Variants in PTPN12 observed in about 807,000 individuals in gnomAD.
PTPN12 encodes tyrosine-protein phosphatase non-receptor type 12.
In PTPN12, 29 loss-of-function variants were observed where a neutral mutation model predicts 97.6. The ratio of observed to expected loss-of-function variants is 0.30; its 90% CI spans 0.22 to 0.41. PTPN12 has a LOEUF of 0.41. Among genes scored for constraint, PTPN12 ranks in the 10% least tolerant of loss-of-function variants. The pLI, the probability that PTPN12 is intolerant of heterozygous loss-of-function variation, is 1.00. For synonymous variants in PTPN12, 327 were observed against 300.4 expected, an observed-to-expected ratio of 1.09 and a Z score of -0.91; for missense variants, 819 against 926.0, an observed-to-expected ratio of 0.88 and a Z score of 1.50.
chr7:77,620,692 G>C (rs143450727), intron 12 of PTPN12, among the ~76,000 whole-genome samples: 12 of 152,368 alleles, frequency 7.9e-5, no homozygotes, highest in African/African-American at 2.6e-4. Flanking sequence ...GCTCACGCCT[G>C]TAATCCCAGC....
intron 11 of PTPN12, among the ~76,000 whole-genome samples, chr7:77,616,477 A>C (rs1419235912): frequency 2.0e-5 from 3 of 152,330 alleles, no homozygotes; most frequent in African/African-American, 7.2e-5. Flanking sequence ...CTAGATGTCC[A>C]CATTGCCTTA....
chr7:77,568,175 A>C (rs893409892), intron 1 of PTPN12, among the ~76,000 whole-genome samples: 13 of 152,262 alleles, frequency 8.5e-5, no homozygotes, highest in Non-Finnish European at 1.9e-4. Context: ...AAGAAATGGC[A>C]TGCTAGGCTT....
chr7:77,557,346 GA>G (rs2151305285), intron 1 of PTPN12, among the ~76,000 whole-genome samples: 1 of 152,236 alleles, frequency 6.6e-6, no homozygotes, highest in South Asian at 2.1e-4. Context: ...GTTTCTTATG[GA>G]AGTTTGCTGT....
chr7:77,635,764 A>C lies in PTPN12; in HGVS notation c.2075-18A>C, dbSNP rs758510288. 6.5e-7 allele frequency: 1 copy of C among 1,547,934 alleles called. No homozygotes were observed. Among genetic ancestry groups the C allele is most frequent in the Admixed American group, 1.9e-5 (1 of 52,480 alleles). On this transcript the variant is annotated intron_variant, in intron 14 of 17. Transcript: ENST00000248594. ...GAAATTCAAGGTGTTAATAACAATA[A>C]GATTTCATTTTTCTCAGATACACCT...
At chr7:77,634,010 CA>C (rs1291552205) in intron 14 of PTPN12, among the ~76,000 whole-genome samples, 1 of 151,850 alleles carries the variant, frequency 6.6e-6, no homozygotes, top group East Asian at 1.9e-4. Context: ...GCAACAAGAG[CA>C]AAAAACTTTG....
rs1789715590 is a variant in PTPN12, at chr7:77,639,283, C to G, written c.*3C>G. ...ATCCACCTTCAGAATGGACATGATT[C>G]AGGGAGCTAGAAGACACTTTAAGTT... On this transcript the variant is annotated 3_prime_UTR_variant, in exon 18 of 18. Transcript: ENST00000248594. 2 of 1,610,116 alleles carry G rather than the reference C, an allele frequency of 1.2e-6. No homozygotes were observed. Among genetic ancestry groups the G allele is most frequent in the Admixed American group, 1.7e-5 (1 of 59,620 alleles).
chr7:77,579,693 A>G (rs1787451512), intron 2 of PTPN12, among the ~76,000 whole-genome samples: 1 of 152,196 alleles, frequency 6.6e-6, no homozygotes, highest in Non-Finnish European at 1.5e-5. Flanking sequence ...GGAAAAAACT[A>G]TTTGCACTTC....
At chr7:77,555,901 C>T (rs552944211) in intron 1 of PTPN12, among the ~76,000 whole-genome samples, 2 of 151,446 alleles carry the variant, frequency 1.3e-5, no homozygotes, top group South Asian at 2.1e-4. Flanking sequence ...GGCGACAGGG[C>T]GAGACTCCGT....
At position 77,554,850 on chromosome 7, in the gene PTPN12, T is replaced by A. The variant is rs118145886; in HGVS notation, c.100-16228T>A. ...ATGCACCGCCATACTCACTTAAGTT[T>A]TTTTTTGTTTCTGTTTTTGTAGAAA... On this transcript the variant is annotated intron_variant, in intron 1 of 17. Coordinates refer to ENST00000248594, the MANE Select transcript of PTPN12 (RefSeq NM_002835.4). 4.0e-3 allele frequency among the ~76,000 whole-genome samples: 614 copies of A among 152,260 alleles called. 2 individuals are homozygous for A. The highest frequency in any genetic ancestry group is 7.3e-3 in the Non-Finnish European group (499 of 68,036).
chr7:77,573,879 G>C (rs1200732147), intron 2 of PTPN12, among the ~76,000 whole-genome samples: 1 of 152,142 alleles, frequency 6.6e-6, no homozygotes, highest in Non-Finnish European at 1.5e-5. Context: ...TCCTGCCTCA[G>C]CCTCCCAAGT....
chr7:77,563,918 T>C (rs1808109679), intron 1 of PTPN12: 1 of 441,778 alleles, frequency 2.3e-6, no homozygotes, highest in Non-Finnish European at 4.5e-6. Context: ...TGATGTGCAT[T>C]TTTTCTTTTT....
chr7:77,552,300 G>T (rs1807514130), intron 1 of PTPN12, among the ~76,000 whole-genome samples: 1 of 144,928 alleles, frequency 6.9e-6, no homozygotes, highest in Non-Finnish European at 1.5e-5. Context: ...TTTAAAGTAT[G>T]TTTTTTTTTT....
At chr7:77,555,774 G>A (rs1156354639) in intron 1 of PTPN12, among the ~76,000 whole-genome samples, 1 of 151,926 alleles carries the variant, frequency 6.6e-6, no homozygotes, top group Admixed American at 6.6e-5. Flanking sequence ...AATTAGCTGG[G>A]CGTGGTGGTG....
chr7:77,603,794 T>C (rs1021181586), intron 8 of PTPN12, among the ~76,000 whole-genome samples: 4 of 152,112 alleles, frequency 2.6e-5, no homozygotes, highest in Admixed American at 6.6e-5. Flanking sequence ...ATCCAGAAAA[T>C]TGATGCTACT....
intron 1 of PTPN12, among the ~76,000 whole-genome samples, chr7:77,552,355 C>G (rs557908714): frequency 5.9e-5 from 9 of 151,564 alleles, no homozygotes; most frequent in East Asian, 5.8e-4. Flanking sequence ...GAATATTTAA[C>G]CAATACATTT....
At chr7:77,542,255 G>A (rs1039807069) in intron 1 of PTPN12, among the ~76,000 whole-genome samples, 34 of 152,304 alleles carry the variant, frequency 2.2e-4, no homozygotes, top group South Asian at 2.1e-4. Flanking sequence ...GTAGGGAGGT[G>A]TTAAGAAAAT....
At chr7:77,541,038 C>G (rs1381078243) in intron 1 of PTPN12, among the ~76,000 whole-genome samples, 1 of 152,168 alleles carries the variant, frequency 6.6e-6, no homozygotes, top group Non-Finnish European at 1.5e-5. Context: ...GTCCTACAGT[C>G]CTGTCATTTA....
chr7:77,628,504 A>G (rs1165862721), intron 13 of PTPN12, among the ~76,000 whole-genome samples: 1 of 152,138 alleles, frequency 6.6e-6, no homozygotes, highest in African/African-American at 2.4e-5. Flanking sequence ...TGGTAGTGAC[A>G]CATACAGACT....
intron 1 of PTPN12, among the ~76,000 whole-genome samples, chr7:77,561,272 C>T (rs1807983890): frequency 6.6e-6 from 1 of 152,036 alleles, no homozygotes; most frequent in Non-Finnish European, 1.5e-5. Context: ...GAGTGGATTG[C>T]TAAGTCATAC....
Sources: allele counts gnomAD v4.1 joint callset (sites outside exome capture counted in the v4.1 genomes callset), GRCh38; gene constraint gnomAD v4.1.1; transcripts MANE v1.5; gene names NCBI Gene and HGNC (gene_info 2026-07-23, HGNC 2026-07-21).